The following EYS variants were observed in gnomAD, a reference collection of about 807,000 sequenced individuals.
The protein encoded by EYS is protein eyes shut homolog.
In EYS, 250 loss-of-function variants were observed where a neutral mutation model predicts 282.1. The ratio of observed to expected loss-of-function variants is 0.89; its 90% CI spans 0.80 to 0.98. EYS has a LOEUF of 0.98. Ranked by LOEUF, EYS falls within the 50% of genes least tolerant of loss-of-function variation. The pLI, the probability that EYS is intolerant of heterozygous loss-of-function variation, is 0.00. For missense variants in EYS, 4,016 were observed against 3,709.0 expected (o/e 1.08, Z -2.15); for synonymous variants, 1,355 against 1,282.9 (o/e 1.06, Z -1.20).
At chr6:64,451,012 A>G (rs1562002336) in intron 26 of EYS, among the ~76,000 whole-genome samples, 3 of 152,240 alleles carry the variant, frequency 2.0e-5, no homozygotes, top group Non-Finnish European at 4.4e-5. Context: ...AAGATCGAGC[A>G]GAACTGAAGG....
At chr6:63,942,965 G>T (rs1765287850) in intron 35 of EYS, among the ~76,000 whole-genome samples, 1 of 152,078 alleles carries the variant, frequency 6.6e-6, no homozygotes, top group African/African-American at 2.4e-5. Flanking sequence ...TCTTACTAGT[G>T]TTTTCTTTTC....
chr6:64,177,512 T>C (rs1251752691), intron 31 of EYS, among the ~76,000 whole-genome samples: 1 of 152,138 alleles, frequency 6.6e-6, no homozygotes, highest in African/African-American at 2.4e-5. Flanking sequence ...TTGAATTAAT[T>C]AATTTCATAT....
intron 26 of EYS, among the ~76,000 whole-genome samples, chr6:64,471,972 C>G (rs1582795910): frequency 8.0e-6 from 1 of 125,460 alleles, no homozygotes; most frequent in African/African-American, 3.5e-5. Flanking sequence ...CTGAAATGTT[C>G]CCAACACAAA....
At chr6:65,457,138 T>TTTGTTG (rs143012118) in intron 5 of EYS, among the ~76,000 whole-genome samples, 67 of 151,556 alleles carry the variant, frequency 4.4e-4, no homozygotes, top group African/African-American at 7.5e-4. Context: ...TTTTCTCTCT[T>TTTGTTG]TTGTTGTTGT....
chr6:65,390,769 G>A (rs1053188606), intron 7 of EYS, among the ~76,000 whole-genome samples: 1 of 151,604 alleles, frequency 6.6e-6, no homozygotes, highest in South Asian at 2.1e-4. Context: ...CCAGCTACTC[G>A]GTTACTTGGG....
intron 26 of EYS, among the ~76,000 whole-genome samples, chr6:64,481,282 A>G (rs923839259): frequency 2.5e-4 from 37 of 146,546 alleles, no homozygotes; most frequent in Admixed American, 6.2e-4. Context: ...GTGTATATAT[A>G]TATATATATA....
chr6:64,561,072 A>T (rs1230985162), intron 26 of EYS, among the ~76,000 whole-genome samples: 1 of 152,220 alleles, frequency 6.6e-6, no homozygotes, highest in East Asian at 1.9e-4. Context: ...TCACGTAAAC[A>T]GAACTAAAGA....
chr6:65,121,393 T>C (rs1775546282), intron 12 of EYS, among the ~76,000 whole-genome samples: 1 of 152,200 alleles, frequency 6.6e-6, no homozygotes, highest in Admixed American at 6.5e-5. Context: ...CATCAGATTA[T>C]CTAAGTTTCC....
chr6:65,419,916 T>C (rs2150376256), intron 5 of EYS, among the ~76,000 whole-genome samples: 1 of 152,118 alleles, frequency 6.6e-6, no homozygotes, highest in South Asian at 2.1e-4. Context: ...TATAATCTAT[T>C]AAGTGTGCAA....
At chr6:64,119,345 G>A (rs377231921) in intron 31 of EYS, among the ~76,000 whole-genome samples, 79 of 152,160 alleles carry the variant, frequency 5.2e-4, no homozygotes, top group Middle Eastern at 6.8e-3. Flanking sequence ...CTTACGATAC[G>A]TATACCACTT....
intron 33 of EYS, among the ~76,000 whole-genome samples, chr6:64,038,137 G>A (rs528407508): frequency 8.0e-4 from 122 of 152,124 alleles, no homozygotes; most frequent in Non-Finnish European, 1.5e-3. Context: ...TGGGGTGGTT[G>A]AGGCTGGGGG....
intron 30 of EYS, among the ~76,000 whole-genome samples, chr6:64,272,105 C>T (rs772759787): frequency 1.3e-5 from 2 of 152,086 alleles, no homozygotes; most frequent in Admixed American, 1.3e-4. Context: ...TTTTGTTTTG[C>T]TTTGTTTTGT....
At chr6:65,383,196 A>G (rs569896534) in intron 8 of EYS, among the ~76,000 whole-genome samples, 8 of 151,980 alleles carry the variant, frequency 5.3e-5, no homozygotes, top group Admixed American at 4.6e-4. Flanking sequence ...TATTTCATAA[A>G]TATTTTATAA....
chr6:65,152,965 C>T (rs78062285), intron 12 of EYS, among the ~76,000 whole-genome samples: 4,224 of 150,262 alleles, frequency 0.028, 151 homozygotes, highest in African/African-American at 0.085. Flanking sequence ...GCACAGACGG[C>T]GACACTTGTA....
In EYS at chr6:64,822,787, A is replaced by G. The variant is rs557931285; in HGVS notation, c.3028T>C (p.Ser1010Pro). The change falls in exon 20 of 43, where the codon TCA becomes CCA. Residue 1010 changes from serine (S) to proline (P), a missense_variant. Transcript: ENST00000503581. ...ACTCCATCATGGAGACAGGGCTCTGATAGGCATTCATCTAGATTTATTTCA... is the reference window on the plus strand; with the variant it reads ...ACTCCATCATGGAGACAGGGCTCTGGTAGGCATTCATCTAGATTTATTTCA... ...NCEINLDECLSEPCLHDGVCI... is the reference protein window; with the variant it reads ...NCEINLDECLPEPCLHDGVCI... The G allele has an allele frequency of 1.9e-5, 30 of 1,549,996 alleles. No homozygotes were observed. The Admixed American group carries it at 5.9e-4, about 30-fold the overall frequency.
intron 24 of EYS, among the ~76,000 whole-genome samples, chr6:64,605,074 T>C (rs1426953477): frequency 1.3e-5 from 2 of 152,052 alleles, no homozygotes; most frequent in East Asian, 3.8e-4. Context: ...CAATTTAATC[T>C]AGCACACAAT....
intron 12 of EYS, among the ~76,000 whole-genome samples, chr6:65,238,350 T>A (rs544447574): frequency 6.6e-6 from 1 of 151,660 alleles, no homozygotes; most frequent in Non-Finnish European, 1.5e-5. Context: ...TCAATTAATA[T>A]TTCACTGTCA....
At chr6:65,517,492 TA>T (rs1767185896) in intron 2 of EYS, among the ~76,000 whole-genome samples, 1 of 152,048 alleles carries the variant, frequency 6.6e-6, no homozygotes, top group Non-Finnish European at 1.5e-5. Context: ...GTTGAAGCAA[TA>T]CTTACGTATT....
chr6:65,283,167 A>G (rs1405511157), intron 12 of EYS, among the ~76,000 whole-genome samples: 1 of 151,952 alleles, frequency 6.6e-6, no homozygotes, highest in East Asian at 1.9e-4. Flanking sequence ...ATATGACTCA[A>G]TATTATTTGT....
Sources: gnomAD v4.1 joint callset for allele counts (sites outside exome capture counted in the v4.1 genomes callset) on GRCh38, gnomAD v4.1.1 for gene constraint, MANE v1.5 for transcripts, NCBI Gene and HGNC (gene_info 2026-07-23, HGNC 2026-07-21) for gene names.